CORO2B: variants seen among roughly 807,000 people sequenced by gnomAD.
The protein encoded by CORO2B is coronin 2B.
In CORO2B, 26 loss-of-function variants were observed where a neutral mutation model predicts 58.8. The ratio of observed to expected loss-of-function variants is 0.44; its 90% CI spans 0.32 to 0.61. The LOEUF is 0.61. CORO2B is among the 20% of genes least tolerant of loss of function. The pLI is 0.04. For missense variants in CORO2B, 460 were observed against 645.1 expected (o/e 0.71, Z 3.11); for synonymous variants, 242 against 253.8 (o/e 0.95, Z 0.44).
chr15:68,683,082 C>T (rs1213829466), intron 2 of CORO2B, among the ~76,000 whole-genome samples: 3 of 152,216 alleles, frequency 2.0e-5, no homozygotes, highest in African/African-American at 7.2e-5. Context: ...ATGGCAGAAA[C>T]CCAGGCCTCT....
rs920482004 is a variant in CORO2B at position 68,631,978 on chromosome 15, G to T, written c.16-13182G>T. On this transcript the variant is annotated intron_variant, in intron 1 of 11. Coordinates refer to ENST00000261861, the MANE Select transcript of CORO2B (RefSeq NM_006091.5). ...CATCGCTGGAGTGGGCTCTCTCTTG[G>T]TTGCTAGCAACAGATTCTGTTGACC... is the stretch of plus-strand genomic sequence containing the variant. The T allele has an allele frequency of 1.7e-5, 17 of 985,394 alleles. No individual in the cohort carries two copies. The Admixed American group carries it at 1.0e-3, about 61-fold the overall frequency. The allele number at this position is 985,394 out of a possible 1,614,324, so 61.0% of individuals were successfully genotyped here. A position where few individuals can be genotyped will look rare whatever the true frequency, so the allele number is the denominator to read the frequency against.
rs375041172 is a variant in CORO2B, at chr15:68,616,591, G to A, written c.16-28569G>A. 57 of 985,340 alleles carry A rather than the reference G, an allele frequency of 5.8e-5. 1 individual carries two copies. The South Asian group carries it at 1.9e-3, about 33-fold the overall frequency. 61.0% of individuals were successfully genotyped at this position (985,340 alleles called of 1,614,324 possible). ...GGCCATTGTGCAAGTCTTCCAGGCCGCGGTCGAATGATTCTGACAAGCGGT... is the reference window on the plus strand; with the variant it reads ...GGCCATTGTGCAAGTCTTCCAGGCCACGGTCGAATGATTCTGACAAGCGGT... On this transcript the variant is annotated intron_variant, in intron 1 of 11. Transcript: ENST00000261861.
intron 3 of CORO2B, among the ~76,000 whole-genome samples, chr15:68,700,768 G>A (rs538834830): frequency 7.2e-5 from 11 of 151,998 alleles, no homozygotes; most frequent in East Asian, 2.0e-4. Flanking sequence ...TCCAAGCCTC[G>A]TGCTCCCAGC....
In CORO2B at chr15:68,579,145, C is replaced by A. The variant is rs1899347282; in HGVS notation, c.-118C>A. The stretch of plus-strand genomic sequence containing the variant: ...CAGCCCCCAGGCTCGGCCGAGCCGC[C>A]GGCGGGGCGCGGGGAGCGAGCCGGG... On this transcript the variant is annotated 5_prime_UTR_variant, in exon 1 of 12. Transcript: ENST00000261861. 3 of 981,298 alleles carry A rather than the reference C, an allele frequency of 3.1e-6. No individual in the cohort carries two copies. Among genetic ancestry groups the A allele is most frequent in the South Asian group, 4.6e-5 (1 of 21,948 alleles). The allele number at this position is 981,298 out of a possible 1,614,324, so 60.8% of individuals were successfully genotyped here.
the CORO2B span, among the ~76,000 whole-genome samples, chr15:68,538,403 C>A: frequency 6.6e-6 from 1 of 152,228 alleles, no homozygotes; most frequent in Non-Finnish European, 1.5e-5. Context: ...GGGCTTTAGA[C>A]TGACACAGTA....
Position 68,679,180 on chromosome 15 carries a change from G to A in CORO2B, c.217-15960G>A, listed in dbSNP as rs528625071. Among the ~76,000 whole-genome samples, 5 of 152,346 alleles carry A rather than the reference G, an allele frequency of 3.3e-5. No individual in the cohort carries two copies. The South Asian group carries it at 1.0e-3, about 32-fold the overall frequency. On this transcript the variant is annotated intron_variant, in intron 2 of 11. Coordinates refer to ENST00000261861, the MANE Select transcript of CORO2B (RefSeq NM_006091.5). The stretch of plus-strand genomic sequence containing the variant: ...AATGTGGTGGAAGTGACATCCAAGG[G>A]AATCATCCCATCTTATTCATCTCTA...
intron 1 of CORO2B, among the ~76,000 whole-genome samples, chr15:68,594,452 TG>T (rs2140235257): frequency 6.6e-6 from 1 of 152,290 alleles, no homozygotes; most frequent in African/African-American, 2.4e-5. Context: ...TGAGCAGCCC[TG>T]GCAGGAAGGT....
At chr15:68,654,567 T>G (rs763948862) in intron 2 of CORO2B, among the ~76,000 whole-genome samples, 6 of 152,202 alleles carry the variant, frequency 3.9e-5, no homozygotes, top group Admixed American at 3.9e-4. Context: ...CTCCCATACC[T>G]TTGGAAGTTG....
At chr15:68,531,870 T>A in the CORO2B span, among the ~76,000 whole-genome samples, 1 of 151,824 alleles carries the variant, frequency 6.6e-6, no homozygotes, top group Non-Finnish European at 1.5e-5. Context: ...CAGCTTTGTT[T>A]TTGTCAAAGA....
rs1209870146 is a variant in CORO2B at position 68,612,069 on chromosome 15, C to T, written c.15+32792C>T. 2.0e-5 allele frequency among the ~76,000 whole-genome samples: 3 copies of T among 152,216 alleles called. No individual in the cohort carries two copies. The East Asian group carries it at 5.8e-4, about 29-fold the overall frequency. Reference sequence around the variant, plus strand: ...TATAGGCAGGAGCCACTGCACCCGGCCTCAACTTTCTACTTTCAAGAAGCA... The same window carrying T: ...TATAGGCAGGAGCCACTGCACCCGGTCTCAACTTTCTACTTTCAAGAAGCA... On this transcript the variant is annotated intron_variant, in intron 1 of 11. Transcript: ENST00000261861.
At chr15:68,575,343 T>TC (rs1491513185), upstream of CORO2B, among the ~76,000 whole-genome samples, 6 of 86,196 alleles carry the variant, frequency 7.0e-5, no homozygotes, top group Non-Finnish European at 2.0e-4. Context: ...CACCTTTTTC[T>TC]TTTTTTTTTT....
At chr15:68,672,657 G>A (rs1329711590) in intron 2 of CORO2B, among the ~76,000 whole-genome samples, 1 of 152,228 alleles carries the variant, frequency 6.6e-6, no homozygotes, top group Non-Finnish European at 1.5e-5. Flanking sequence ...AAGTGATACA[G>A]TGGCTCAGCT....
chr15:68,706,331 G>A (rs931242503), intron 3 of CORO2B, among the ~76,000 whole-genome samples: 8 of 145,290 alleles, frequency 5.5e-5, no homozygotes, highest in African/African-American at 1.5e-4. Flanking sequence ...TCCCACCCTC[G>A]TCCCCCTAAC....
intron 1 of CORO2B, among the ~76,000 whole-genome samples, chr15:68,605,711 G>A (rs1028763706): frequency 1.0e-5 from 1 of 99,094 alleles, no homozygotes; most frequent in African/African-American, 4.7e-5. Flanking sequence ...GGGCTCTTGG[G>A]TTTTTTTTTT....
intron 1 of CORO2B, among the ~76,000 whole-genome samples, chr15:68,610,085 A>G (rs1224503117): frequency 1.3e-5 from 2 of 152,190 alleles, no homozygotes; most frequent in Non-Finnish European, 2.9e-5. Flanking sequence ...AGAATTAACT[A>G]GGTGAATATC....
chr15:68,662,273 C>T (rs545811469), intron 2 of CORO2B, among the ~76,000 whole-genome samples: 9 of 152,170 alleles, frequency 5.9e-5, no homozygotes, highest in Admixed American at 1.3e-4. Context: ...TCACCTTTTC[C>T]GGAATCATAT....
chr15:68,627,064 CCT>C (rs1294945518), intron 1 of CORO2B, among the ~76,000 whole-genome samples: 2 of 152,176 alleles, frequency 1.3e-5, no homozygotes, highest in African/African-American at 4.8e-5. Context: ...CTTTTTTCTG[CCT>C]CTGTTTCTAC....
chr15:68,537,019 G>A, the CORO2B span, among the ~76,000 whole-genome samples: 1 of 152,218 alleles, frequency 6.6e-6, no homozygotes, highest in Non-Finnish European at 1.5e-5. Context: ...CTGATGTGAG[G>A]CAGAATTAAA....
intron 2 of CORO2B, among the ~76,000 whole-genome samples, chr15:68,661,378 TGGGTGGCCAGAGATATTGTCCAATA>T (rs1902009375): frequency 6.6e-6 from 1 of 152,218 alleles, no homozygotes; most frequent in African/African-American, 2.4e-5. Flanking sequence ...CATGGGGTTC[TGGGTGGCCAGAGATATTGTCCAATA>T]TCAAAAGAAC....
Sources: gnomAD v4.1 joint callset for allele counts (sites outside exome capture counted in the v4.1 genomes callset) on GRCh38, gnomAD v4.1.1 for gene constraint, MANE v1.5 for transcripts, NCBI Gene and HGNC (gene_info 2026-07-23, HGNC 2026-07-21) for gene names.